The following EXTL3 variants were observed in gnomAD, a reference collection of about 807,000 sequenced individuals.
The protein encoded by EXTL3 is exostosin-like 3.
A neutral mutation model predicts 69.3 loss-of-function variants in EXTL3; 27 were observed. That is an observed-to-expected ratio of 0.39 (90% CI 0.29 to 0.54). EXTL3 has a LOEUF of 0.54. Among genes scored for constraint, EXTL3 ranks in the 20% least tolerant of loss-of-function variants. EXTL3 has a pLI of 0.69. For missense variants in EXTL3, 1,003 were observed against 1,231.8 expected (o/e 0.81, Z 2.78); for synonymous variants, 511 against 499.4 (o/e 1.02, Z -0.31).
chr8:28,739,493 A>G lies in EXTL3; in HGVS notation c.2421+1830A>G, dbSNP rs562486271. ...AGGCACGCATCACCACACCTGGCTA[A>G]TTTTTTTTGGTAATTTTTATAGAGA... is the stretch of plus-strand genomic sequence containing the variant. On this transcript the variant is annotated intron_variant, in intron 5 of 6. Transcript: ENST00000220562. Among the ~76,000 whole-genome samples, 27 of 151,592 alleles carry G rather than the reference A, an allele frequency of 1.8e-4. No homozygotes were observed. The South Asian group carries it at 3.3e-3, about 19-fold the overall frequency.
At chr8:28,738,887 G>T in intron 5 of EXTL3, among the ~76,000 whole-genome samples, 1 of 152,192 alleles carries the variant, frequency 6.6e-6, no homozygotes, top group Non-Finnish European at 1.5e-5. Flanking sequence ...AAAGACGGTG[G>T]CACCTGCCTC....
chr8:28,667,693 TAAG>T (rs1313069365), intron 1 of EXTL3, among the ~76,000 whole-genome samples: 1 of 138,986 alleles, frequency 7.2e-6, no homozygotes, highest in East Asian at 2.2e-4. Context: ...GCAGGTCACT[TAAG>T]AATATTTTCT....
At chr8:28,617,777 C>A (rs548317204), upstream of EXTL3, among the ~76,000 whole-genome samples, 134 of 152,080 alleles carry the variant, frequency 8.8e-4, no homozygotes, top group Non-Finnish European at 1.6e-3. Context: ...AAGACACTGT[C>A]CTCAAAACCA....
At chr8:28,701,815 G>A (rs1220500119) in intron 1 of EXTL3, among the ~76,000 whole-genome samples, 156 bp downstream of exon 1, 1 of 152,002 alleles carries the variant, frequency 6.6e-6, no homozygotes, top group Non-Finnish European at 1.5e-5. Flanking sequence ...GGCGGCGGGA[G>A]GCATGCAGCC....
rs1414615090 is a variant in EXTL3 at position 28,750,878 on chromosome 8, G to A, written c.*12G>A. On this transcript the variant is annotated 3_prime_UTR_variant, in exon 7 of 7. Coordinates refer to ENST00000220562, the MANE Select transcript of EXTL3 (RefSeq NM_001440.4). This position sits in a 1 kb window ranked among gnomAD's most constrained non-coding sequence, Gnocchi z 5.2. ...TCAAGTTCATCTAGGGGCAGCGCAC[G>A]GTCTGGGGAAGAGGATGAGCAGAGG... The A allele has an allele frequency of 1.5e-5, 24 of 1,612,016 alleles. No homozygotes were observed. The highest frequency in any genetic ancestry group is 2.2e-5 in the East Asian group (1 of 44,882).
At chr8:28,644,505 C>T (rs1049986324) in intron 1 of EXTL3, among the ~76,000 whole-genome samples, 5 of 151,994 alleles carry the variant, frequency 3.3e-5, no homozygotes, top group African/African-American at 1.2e-4. Context: ...TTGAGACCAG[C>T]CTGGTCAAGA....
intron 1 of EXTL3, among the ~76,000 whole-genome samples, chr8:28,672,335 A>G (rs892666786): frequency 2.1e-5 from 3 of 144,914 alleles, no homozygotes; most frequent in African/African-American, 2.6e-5. Flanking sequence ...GGAGAATGGC[A>G]TGAAACCAGG....
intron 5 of EXTL3, 196 bp from the exon 6 acceptor site, chr8:28,742,890 G>T (rs1425003327): frequency 3.1e-6 from 2 of 640,116 alleles, no homozygotes; most frequent in Non-Finnish European, 5.7e-6. Flanking sequence ...ATGGCAGTTT[G>T]AATGGGATAA....
At chr8:28,744,474 A>G (rs1339547768) in intron 6 of EXTL3, among the ~76,000 whole-genome samples, 2 of 152,054 alleles carry the variant, frequency 1.3e-5, no homozygotes, top group Admixed American at 6.5e-5. Flanking sequence ...CCTGGCCAAC[A>G]TGGTGAAACC....
upstream of EXTL3, among the ~76,000 whole-genome samples, chr8:28,620,558 C>T (rs1265434039): frequency 6.6e-6 from 1 of 152,226 alleles, no homozygotes; most frequent in Non-Finnish European, 1.5e-5. Flanking sequence ...AATCCAGGCA[C>T]ATTACATACC....
intron 1 of EXTL3, among the ~76,000 whole-genome samples, chr8:28,630,937 ACTAG>A (rs1416475814): frequency 6.6e-6 from 1 of 152,260 alleles, no homozygotes; most frequent in African/African-American, 2.4e-5. Context: ...CACAGTAGAG[ACTAG>A]CTGTTTTTAA....
chr8:28,671,809 G>T (rs895539973), intron 1 of EXTL3, among the ~76,000 whole-genome samples: 2 of 152,196 alleles, frequency 1.3e-5, no homozygotes, highest in Non-Finnish European at 2.9e-5. Flanking sequence ...AAATAACATT[G>T]TGGGCATGAT....
At chr8:28,660,829 G>A (rs1323954958) in intron 1 of EXTL3, among the ~76,000 whole-genome samples, 3 of 89,752 alleles carry the variant, frequency 3.3e-5, no homozygotes, top group Admixed American at 1.3e-4. Flanking sequence ...CCTCTATTCC[G>A]ATTTTTGGCT....
upstream of EXTL3, among the ~76,000 whole-genome samples, chr8:28,622,506 C>G (rs1806428230): frequency 6.6e-6 from 1 of 151,624 alleles, no homozygotes; most frequent in South Asian, 2.1e-4. Context: ...GGCCCGGGAG[C>G]CGGCGAGGGC....
intron 1 of EXTL3, among the ~76,000 whole-genome samples, chr8:28,695,289 C>T (rs240934): frequency 0.25 from 38,399 of 151,682 alleles, 4,918 homozygotes; most frequent in Middle Eastern, 0.33. Flanking sequence ...CCACCATGCC[C>T]GGCTAATTTT....
At chr8:28,615,753 T>TA (rs397892499) in intron 2 of EXTL3, among the ~76,000 whole-genome samples, 1 of 151,652 alleles carries the variant, frequency 6.6e-6, no homozygotes, top group Non-Finnish European at 1.5e-5. Context: ...TTTTTTTTTT[T>TA]AATAGAGACG....
At chr8:28,737,243 C>T (rs1801672511) in intron 4 of EXTL3, among the ~76,000 whole-genome samples, 1 of 152,152 alleles carries the variant, frequency 6.6e-6, no homozygotes, top group African/African-American at 2.4e-5. Context: ...TTCTGGAGAT[C>T]CCCTTTCCAA....
At chr8:28,630,656 T>C (rs553050199) in intron 1 of EXTL3, among the ~76,000 whole-genome samples, 29 of 152,384 alleles carry the variant, frequency 1.9e-4, no homozygotes, top group African/African-American at 6.5e-4. Context: ...AATCCATTAA[T>C]GTTTTCATTC....
chr8:28,662,954 C>T (rs569550706), intron 1 of EXTL3, among the ~76,000 whole-genome samples: 18 of 152,176 alleles, frequency 1.2e-4, no homozygotes, highest in Non-Finnish European at 2.2e-4. Context: ...GAAACCCTGT[C>T]TCCAAAAAAT....
Sources: allele counts gnomAD v4.1 joint callset (sites outside exome capture counted in the v4.1 genomes callset), GRCh38; gene constraint gnomAD v4.1.1; non-coding constraint Gnocchi (gnomAD v3.1); transcripts MANE v1.5; gene names NCBI Gene and HGNC (gene_info 2026-07-23, HGNC 2026-07-21).